LANCL3: variants seen among roughly 807,000 people sequenced by gnomAD.
The protein encoded by LANCL3 is lanC-like protein 3.
LANCL3 carries 19 observed loss-of-function variants against 26.5 expected under a neutral mutation model. The ratio of observed to expected loss-of-function variants is 0.72; its 90% CI spans 0.50 to 1.05. The LOEUF is 1.05. LANCL3 is among the 50% of genes least tolerant of loss of function. The pLI is 0.00. For synonymous variants in LANCL3, 160 were observed against 166.6 expected (o/e 0.96, Z 0.30); for missense variants, 318 against 362.7 (o/e 0.88, Z 1.00).
chrX:37,587,415 A>C (rs1924129861), intron 1 of LANCL3, among the ~76,000 whole-genome samples: 1 of 112,874 alleles, frequency 8.9e-6, no homozygotes, highest in Non-Finnish European at 1.9e-5. Context: ...AGAGGCAGGC[A>C]GGCCTCCTTG....
At chrX:37,634,141 G>A (rs1167236221) in intron 1 of LANCL3, among the ~76,000 whole-genome samples, 2 of 112,533 alleles carry the variant, frequency 1.8e-5, no homozygotes, top group Non-Finnish European at 3.8e-5. Context: ...GCAATGGCGG[G>A]CGCCCCTCCC....
chrX:37,632,694 A>G (rs1306222565), intron 1 of LANCL3, among the ~76,000 whole-genome samples: 2 of 110,363 alleles, frequency 1.8e-5, no homozygotes, highest in African/African-American at 6.6e-5. Context: ...AAAGTATTTT[A>G]TTTCTCCTTC....
At chrX:37,652,750 C>T (rs1926186516) in intron 1 of LANCL3, among the ~76,000 whole-genome samples, 1 of 111,370 alleles carries the variant, frequency 9.0e-6, no homozygotes, top group Admixed American at 9.5e-5. Flanking sequence ...CTCAAAAGCA[C>T]AGAGGCCATC....
At chrX:37,645,636 G>A (rs1363623685) in intron 1 of LANCL3, among the ~76,000 whole-genome samples, 1 of 111,860 alleles carries the variant, frequency 8.9e-6, no homozygotes, top group Non-Finnish European at 1.9e-5. Flanking sequence ...GCTTCCTCTC[G>A]CTGCCTTGAA....
chrX:37,660,101 A>G (rs1018633177), intron 3 of LANCL3, among the ~76,000 whole-genome samples: 3 of 111,630 alleles, frequency 2.7e-5, no homozygotes, highest in Non-Finnish European at 5.6e-5. Flanking sequence ...AATCCAGCAT[A>G]TACTTTATAC....
At chrX:37,664,416 T>C (rs1556433331) in intron 3 of LANCL3, among the ~76,000 whole-genome samples, 1 of 112,415 alleles carries the variant, frequency 8.9e-6, no homozygotes, top group African/African-American at 3.2e-5. Flanking sequence ...ATATAGCAGA[T>C]GCCCAATTAA....
intron 1 of LANCL3, 100 bp downstream of exon 1, chrX:37,572,543 A>G: frequency 1.4e-6 from 1 of 698,362 alleles, no homozygotes. Context: ...GTTGCTCTCC[A>G]AGTCTTTGTT....
intron 1 of LANCL3, among the ~76,000 whole-genome samples, chrX:37,651,324 A>C (rs782174789): frequency 8.9e-6 from 1 of 112,038 alleles, no homozygotes; most frequent in Non-Finnish European, 1.9e-5. Context: ...CACAATGAAA[A>C]AAACCATTAT....
intron 1 of LANCL3, among the ~76,000 whole-genome samples, chrX:37,653,285 C>T (rs1286150044): frequency 4.5e-5 from 5 of 111,021 alleles, no homozygotes; most frequent in Non-Finnish European, 5.7e-5. Context: ...CACACACGTA[C>T]ACAGACATGC....
intron 1 of LANCL3, among the ~76,000 whole-genome samples, chrX:37,581,287 C>T (rs1401155393): frequency 8.9e-6 from 1 of 112,291 alleles, no homozygotes; most frequent in Non-Finnish European, 1.9e-5. Flanking sequence ...GTGGGTTATA[C>T]TGAAGGAAAG....
At chrX:37,635,725 C>A (rs1461446063) in intron 1 of LANCL3, among the ~76,000 whole-genome samples, 1 of 110,184 alleles carries the variant, frequency 9.1e-6, no homozygotes, top group Non-Finnish European at 1.9e-5. Context: ...TGCTAATTAC[C>A]CTGATCTGAT....
intron 4 of LANCL3, among the ~76,000 whole-genome samples, chrX:37,674,845 C>A: frequency 9.0e-6 from 1 of 111,176 alleles, no homozygotes; most frequent in Non-Finnish European, 1.9e-5. Flanking sequence ...AAGCTGTGAA[C>A]TCCAGCCTCT....
At chrX:37,573,801 T>G (rs1273901517) in intron 1 of LANCL3, among the ~76,000 whole-genome samples, 66 of 110,208 alleles carry the variant, frequency 6.0e-4, no homozygotes, top group Non-Finnish European at 9.7e-4. Context: ...CCCCTTTCCA[T>G]GCCTTGAGGC....
chrX:37,591,402 G>A (rs1325419961), intron 1 of LANCL3, among the ~76,000 whole-genome samples: 3 of 111,258 alleles, frequency 2.7e-5, no homozygotes, highest in Non-Finnish European at 5.7e-5. Flanking sequence ...TATGAAAACA[G>A]AATTAGTTGC....
At chrX:37,638,293 G>T (rs1218709367) in intron 1 of LANCL3, among the ~76,000 whole-genome samples, 2 of 111,502 alleles carry the variant, frequency 1.8e-5, no homozygotes, top group Non-Finnish European at 3.8e-5. Flanking sequence ...GGACAGGCAA[G>T]GTTGTGCCCT....
intron 1 of LANCL3, among the ~76,000 whole-genome samples, chrX:37,620,719 A>G (rs782768125): frequency 2.0e-4 from 22 of 111,791 alleles, no homozygotes; most frequent in Middle Eastern, 4.2e-3. Flanking sequence ...AAATGGGGAC[A>G]AGACTGCAAG....
chrX:37,637,183 G>GGCACTTA (rs1157545739), intron 1 of LANCL3, among the ~76,000 whole-genome samples: 4 of 111,879 alleles, frequency 3.6e-5, no homozygotes, highest in Admixed American at 2.8e-4. Context: ...AAGGAATTAA[G>GGCACTTA]TGTGCCTTCC....
intron 4 of LANCL3, among the ~76,000 whole-genome samples, chrX:37,673,920 T>C (rs1308792124): frequency 1.8e-5 from 2 of 111,984 alleles, no homozygotes; most frequent in African/African-American, 6.5e-5. Context: ...TCTTTTATTA[T>C]ATGTTTATGT....
chrX:37,641,734 T>G (rs914942684), intron 1 of LANCL3, among the ~76,000 whole-genome samples: 3 of 111,773 alleles, frequency 2.7e-5, no homozygotes, highest in Admixed American at 9.5e-5. Context: ...AAAGAGCTAT[T>G]AAGCCTTAAA....
Sources: allele counts gnomAD v4.1 joint callset (sites outside exome capture counted in the v4.1 genomes callset), GRCh38; gene constraint gnomAD v4.1.1; transcripts MANE v1.5; gene names NCBI Gene and HGNC (gene_info 2026-07-23, HGNC 2026-07-21).